Variants in KIAA1328 observed in about 807,000 individuals in gnomAD.
The protein encoded by KIAA1328 is KIAA1328, also known as protein hinderin.
KIAA1328 carries 52 observed loss-of-function variants against 68.1 expected under a neutral mutation model. The ratio of observed to expected loss-of-function variants is 0.76; its 90% CI spans 0.61 to 0.96. The LOEUF (loss-of-function observed/expected upper bound fraction) is 0.96. Among genes scored for constraint, KIAA1328 ranks in the 40% least tolerant of loss-of-function variants. The probability of loss-of-function intolerance (pLI) is 0.00; values close to 1 mark genes in which losing one functional copy is unlikely to be tolerated. For synonymous variants in KIAA1328, 232 were observed against 239.4 expected (o/e 0.97, Z 0.28); for missense variants, 641 against 677.6 (o/e 0.95, Z 0.60).
chr18:36,835,081 C>T (rs891429786), intron 2 of KIAA1328, among the ~76,000 whole-genome samples, 153 bp from the exon 3 acceptor site: 1 of 152,076 alleles, frequency 6.6e-6, no homozygotes, highest in Non-Finnish European at 1.5e-5. Context: ...TTTTATGATT[C>T]ATATATTAAG....
In KIAA1328 at chr18:37,067,287, C is replaced by T; in HGVS notation, c.974C>T (p.Pro325Leu). Residue 325 changes from proline to leucine, a missense_variant, in exon 7 of 10, where the codon CCT becomes CTT. Physicochemically the swap from Pro to Leu is moderately conservative, Grantham distance 98. Transcript: ENST00000280020. Reference protein sequence around the residue: ...VHDSHPTNMTPQHPKTHPESC... With the variant: ...VHDSHPTNMTLQHPKTHPESC... ...GACAGCCATCCTACAAACATGACCCCTCAACATCCTAAGACACATCCAGAA... is the reference window on the plus strand; with the variant it reads ...GACAGCCATCCTACAAACATGACCCTTCAACATCCTAAGACACATCCAGAA... 6.2e-7 allele frequency: 1 copy of T among 1,614,006 alleles called. No homozygotes were observed. Among genetic ancestry groups the T allele is most frequent in the Admixed American group, 1.7e-5 (1 of 60,026 alleles).
At chr18:36,995,202 G>C (rs996079262) in intron 6 of KIAA1328, among the ~76,000 whole-genome samples, 2 of 152,096 alleles carry the variant, frequency 1.3e-5, no homozygotes, top group African/African-American at 4.8e-5. Flanking sequence ...GTGAGAACAG[G>C]CAGTGTTTGG....
At chr18:36,930,835 T>C (rs2050284328) in intron 5 of KIAA1328, among the ~76,000 whole-genome samples, 1 of 152,072 alleles carries the variant, frequency 6.6e-6, no homozygotes, top group South Asian at 2.1e-4. Flanking sequence ...TAATTCTTCT[T>C]ATATTTAAAT....
chr18:37,222,619 CT>C lies in KIAA1328; in HGVS notation c.*393del, dbSNP rs2060584596. The stretch of plus-strand genomic sequence containing the variant: ...AAAACCTTTCCACTGAAAAATCCCT[CT>C]GATTTAAAAGTAACCCCTTTGAAAC... On this transcript the variant is annotated 3_prime_UTR_variant, in exon 10 of 10. Coordinates refer to ENST00000280020, the MANE Select transcript of KIAA1328 (RefSeq NM_020776.3). 9.6e-7 allele frequency: 1 copy of C among 1,039,282 alleles called. No individual in the cohort carries two copies. Among genetic ancestry groups the C allele is most frequent in the African/African-American group, 1.7e-5 (1 of 58,140 alleles). 64.4% of individuals were successfully genotyped at this position (1,039,282 alleles called of 1,614,324 possible).
At chr18:36,837,915 A>T (rs1209730396) in intron 3 of KIAA1328, among the ~76,000 whole-genome samples, 2 of 151,048 alleles carry the variant, frequency 1.3e-5, no homozygotes, top group African/African-American at 4.9e-5. Flanking sequence ...TTATTTTTGG[A>T]CTCTCTGTAT....
chr18:37,067,186 C>T lies in KIAA1328; in HGVS notation c.873C>T (p.His291=), dbSNP rs758815921. 6 of 1,613,868 alleles carry T rather than the reference C, an allele frequency of 3.7e-6. No homozygotes were observed. Among genetic ancestry groups the T allele is most frequent in the African/African-American group, 2.7e-5 (2 of 74,922 alleles). The change falls in exon 7 of 10, where the codon CAC becomes CAT. Residue 291 remains histidine (H), a synonymous_variant. Coordinates refer to ENST00000280020, the MANE Select transcript of KIAA1328 (RefSeq NM_020776.3). Reference sequence around the variant, plus strand: ...AGAAAATGCCACAAGAAGAATTGCACATGAAGGAATGTCCACATCTTAAGC... The same window carrying T: ...AGAAAATGCCACAAGAAGAATTGCATATGAAGGAATGTCCACATCTTAAGC... ...PTEKMPQEEL[H]MKECPHLKPT... is the part of the protein sequence containing the mutation.
chr18:36,944,889 A>G (rs1456561328), intron 5 of KIAA1328, among the ~76,000 whole-genome samples: 1 of 152,210 alleles, frequency 6.6e-6, no homozygotes, highest in Non-Finnish European at 1.5e-5. Flanking sequence ...GAAAACATAT[A>G]GGGCCAAAAA....
At chr18:37,084,543 A>G (rs943195702) in intron 7 of KIAA1328, 11 of 170,628 alleles carry the variant, frequency 6.4e-5, no homozygotes, top group African/African-American at 2.7e-4. Flanking sequence ...CTTATACAGA[A>G]TTTTATGTTA....
chr18:37,115,708 G>A (rs1040930821), intron 7 of KIAA1328, among the ~76,000 whole-genome samples: 2 of 152,152 alleles, frequency 1.3e-5, no homozygotes, highest in Non-Finnish European at 2.9e-5. Context: ...CAATTAGGAA[G>A]AGAGGAAGTC....
intron 8 of KIAA1328, among the ~76,000 whole-genome samples, chr18:37,171,891 G>T (rs941529130): frequency 1.3e-5 from 2 of 152,196 alleles, no homozygotes. Context: ...CCTAGTGATA[G>T]AGTGAGACCC....
At chr18:37,187,436 C>T (rs2059825288) in intron 9 of KIAA1328, among the ~76,000 whole-genome samples, 1 of 152,044 alleles carries the variant, frequency 6.6e-6, no homozygotes, top group South Asian at 2.1e-4. Flanking sequence ...AAATTTCAAG[C>T]CAAATATCTG....
intron 5 of KIAA1328, among the ~76,000 whole-genome samples, chr18:36,931,447 G>A (rs1453653865): frequency 6.6e-6 from 1 of 151,940 alleles, no homozygotes; most frequent in Non-Finnish European, 1.5e-5. Flanking sequence ...GATGATCTGA[G>A]GTGGAACAAT....
chr18:36,957,226 A>T (rs554106439), intron 5 of KIAA1328, among the ~76,000 whole-genome samples: 1 of 152,350 alleles, frequency 6.6e-6, no homozygotes, highest in South Asian at 2.1e-4. Flanking sequence ...CACCATTTTG[A>T]CATTTAAAAA....
intron 5 of KIAA1328, among the ~76,000 whole-genome samples, chr18:36,892,075 A>G (rs1568130533): frequency 6.6e-6 from 1 of 152,196 alleles, no homozygotes; most frequent in Non-Finnish European, 1.5e-5. Flanking sequence ...GTATTTAACT[A>G]TATATCTCAT....
intron 7 of KIAA1328, among the ~76,000 whole-genome samples, chr18:37,102,361 C>G (rs190535597): frequency 8.5e-4 from 130 of 152,270 alleles, no homozygotes; most frequent in African/African-American, 3.1e-3. Context: ...TGTGAAGCAA[C>G]CACCATGGCA....
At chr18:36,883,106 T>C (rs2048375069) in intron 4 of KIAA1328, among the ~76,000 whole-genome samples, 1 of 152,216 alleles carries the variant, frequency 6.6e-6, no homozygotes, top group Admixed American at 6.5e-5. Flanking sequence ...GATTTTCTTC[T>C]TTCGTCGTGT....
chr18:37,144,532 G>A (rs903727981), intron 7 of KIAA1328, among the ~76,000 whole-genome samples: 30 of 151,688 alleles, frequency 2.0e-4, no homozygotes, highest in African/African-American at 7.0e-4. Context: ...TTTCCTCTAA[G>A]CACTGCTTCT....
chr18:37,093,613 T>C (rs1466088884), intron 7 of KIAA1328, among the ~76,000 whole-genome samples: 5 of 152,078 alleles, frequency 3.3e-5, no homozygotes, highest in African/African-American at 1.2e-4. Context: ...AAAGAAAGAA[T>C]AGAAACAAGT....
intron 9 of KIAA1328, among the ~76,000 whole-genome samples, chr18:37,186,465 G>A (rs1568510156): frequency 6.6e-6 from 1 of 150,922 alleles, no homozygotes; most frequent in East Asian, 2.0e-4. Context: ...TACTCGGGAG[G>A]CTGAGGTGGG....
Sources: allele counts gnomAD v4.1 joint callset (sites outside exome capture counted in the v4.1 genomes callset), GRCh38; gene constraint gnomAD v4.1.1; transcripts MANE v1.5; gene names NCBI Gene and HGNC (gene_info 2026-07-23, HGNC 2026-07-21).